The following EIF4ENIF1 variants were observed in gnomAD, a reference collection of about 807,000 sequenced individuals.
The protein encoded by EIF4ENIF1 is eukaryotic translation initiation factor 4E nuclear import factor 1.
In EIF4ENIF1, 23 loss-of-function variants were observed where a neutral mutation model predicts 110.5. The observed-to-expected ratio is 0.21, with a 90% CI of 0.15 to 0.29. The LOEUF is 0.29. Ranked by LOEUF, EIF4ENIF1 falls within the 10% of genes least tolerant of loss-of-function variation. EIF4ENIF1 has a pLI of 1.00. For missense variants in EIF4ENIF1, 1,031 were observed against 1,221.1 expected (o/e 0.84, Z 2.32); for synonymous variants, 440 against 437.0 (o/e 1.01, Z -0.09).
intron 13 of EIF4ENIF1, 21 bp downstream of exon 13, chr22:31,448,132 T>C (rs2050533208): frequency 6.2e-7 from 1 of 1,613,488 alleles, no homozygotes. Context: ...AGAGATTGAG[T>C]TTGAGAAAGC....
chr22:31,446,927 G>A (rs963244609), intron 14 of EIF4ENIF1: 1 of 452,682 alleles, frequency 2.2e-6, no homozygotes, highest in African/African-American at 2.0e-5. Flanking sequence ...TAACAGCTCT[G>A]ATCAACAAAC....
chr22:31,477,852 G>A (rs572738594), intron 2 of EIF4ENIF1, among the ~76,000 whole-genome samples: 1 of 152,168 alleles, frequency 6.6e-6, no homozygotes, highest in African/African-American at 2.4e-5. Context: ...TAGGTAAACA[G>A]TATTTACTGT....
At chr22:31,483,008 C>A (rs968986672) in intron 2 of EIF4ENIF1, among the ~76,000 whole-genome samples, 1 of 151,526 alleles carries the variant, frequency 6.6e-6, no homozygotes, top group Non-Finnish European at 1.5e-5. Context: ...TGGCGACAGA[C>A]AGAGACTCTG....
At chr22:31,471,218 C>T (rs1254281464) in intron 3 of EIF4ENIF1, among the ~76,000 whole-genome samples, 2 of 151,624 alleles carry the variant, frequency 1.3e-5, no homozygotes, top group Admixed American at 6.6e-5. Flanking sequence ...GAACCAAGAG[C>T]GCCCCTGAGC....
chr22:31,441,363 T>C lies in EIF4ENIF1; in HGVS notation c.2551+411A>G, dbSNP rs558607957. Among the ~76,000 whole-genome samples the C allele has an allele frequency of 1.3e-3, 195 of 151,316 alleles. 2 individuals carry two copies. Among genetic ancestry groups the C allele is most frequent in the South Asian group, 0.01 (49 of 4,800 alleles). ...GACCAGCCTGGGCAACACGGTGAAA[T>C]CCTGTCTCTACTAAAATACAAAATA... is the stretch of plus-strand genomic sequence containing the variant. On this transcript the variant is annotated intron_variant, in intron 17 of 18. Coordinates refer to ENST00000330125, the MANE Select transcript of EIF4ENIF1 (RefSeq NM_019843.4).
At position 31,441,865 on chromosome 22, in the gene EIF4ENIF1, A is replaced by C. The variant is rs769215984; in HGVS notation, c.2460T>G (p.Val820=). Residue 820 remains valine (V), a synonymous_variant, in exon 17 of 19, where the codon GTT becomes GTG. Transcript: ENST00000330125. ...QVPLVPHVPM[V]RPAHQLHPGL... is the part of the protein sequence containing the mutation. ...CTGGGTGAAGCTGGTGAGCAGGCCT[A>C]ACCATAGGGACATGGGGGACAAGGG... is the stretch of plus-strand genomic sequence containing the variant. 4 of 1,614,080 alleles carry C rather than the reference A, an allele frequency of 2.5e-6. No homozygotes were observed. The Admixed American group carries it at 6.7e-5, about 27-fold the overall frequency.
At chr22:31,472,344 C>T (rs1161288865) in intron 2 of EIF4ENIF1, among the ~76,000 whole-genome samples, 1 of 151,506 alleles carries the variant, frequency 6.6e-6, no homozygotes, top group Non-Finnish European at 1.5e-5. Flanking sequence ...TCTTGGCCCA[C>T]TACAACCTCC....
At chr22:31,442,808 C>T (rs1335078365) in intron 16 of EIF4ENIF1, among the ~76,000 whole-genome samples, 154 bp downstream of exon 16, 1 of 152,198 alleles carries the variant, frequency 6.6e-6, no homozygotes, top group East Asian at 1.9e-4. Flanking sequence ...CTCACTGTCA[C>T]ACAGAACCTT....
At chr22:31,437,184 CCT>C (rs1039566631), downstream of EIF4ENIF1, 5 of 152,234 alleles carry the variant, frequency 3.3e-5, no homozygotes, top group African/African-American at 1.2e-4. Flanking sequence ...ACTATTCTTT[CCT>C]CTCCTACCTG....
Position 31,458,534 on chromosome 22 carries a change from G to A in EIF4ENIF1, c.904C>T (p.Pro302Ser). 1 of 1,613,254 alleles carries A rather than the reference G, an allele frequency of 6.2e-7. No homozygotes were observed. The highest frequency in any genetic ancestry group is 1.1e-5 in the South Asian group (1 of 90,990). ...AACTCATTAAAGTCAAAGTCTCCTG[G>A]GGACTGCTCAGGCAAGACAGCATCC... Reference protein sequence around the residue: ...PRDAVLPEQSPGDFDFNEFFN... With the variant: ...PRDAVLPEQSSGDFDFNEFFN... Residue 302 changes from proline to serine, a missense_variant, in exon 7 of 19, where the codon CCA becomes TCA. Physicochemically the swap from Pro to Ser is moderately conservative, Grantham distance 74. This residue lies in a region of EIF4ENIF1 where 704 missense variants were observed against 879.7 expected (regional missense o/e 0.80). Transcript: ENST00000330125.
At chr22:31,454,525 T>C (rs1250016935) in intron 9 of EIF4ENIF1, 149 bp from the exon 10 acceptor site, 4 of 671,630 alleles carry the variant, frequency 6.0e-6, no homozygotes, top group Non-Finnish European at 1.0e-5. Context: ...AATAAACTAA[T>C]AACACTTAAA....
intron 2 of EIF4ENIF1, among the ~76,000 whole-genome samples, chr22:31,478,501 G>A (rs1236446843): frequency 2.6e-5 from 3 of 117,554 alleles, no homozygotes; most frequent in Non-Finnish European, 3.3e-5. Flanking sequence ...GGGTGACAGA[G>A]CAAGACTCTG....
At chr22:31,474,096 C>T (rs528280614) in intron 2 of EIF4ENIF1, among the ~76,000 whole-genome samples, 82 of 151,026 alleles carry the variant, frequency 5.4e-4, no homozygotes, top group African/African-American at 1.7e-3. Flanking sequence ...CTTGCTCTAT[C>T]GCCCAGGCTG....
At chr22:31,460,201 T>C (rs1043947243) in intron 6 of EIF4ENIF1, among the ~76,000 whole-genome samples, 1 of 152,228 alleles carries the variant, frequency 6.6e-6, no homozygotes, top group African/African-American at 2.4e-5. Flanking sequence ...GTACTATATT[T>C]TGAAGACTAC....
chr22:31,476,980 CA>C (rs574308270), intron 2 of EIF4ENIF1, among the ~76,000 whole-genome samples: 2,408 of 51,150 alleles, frequency 0.047, 74 homozygotes, highest in African/African-American at 0.14. Context: ...GACCCTGTCT[CA>C]AAAAAAAAAA....
At chr22:31,460,039 A>G (rs137925726) in intron 6 of EIF4ENIF1, among the ~76,000 whole-genome samples, 1 of 152,220 alleles carries the variant, frequency 6.6e-6, no homozygotes, top group African/African-American at 2.4e-5. Context: ...CTTTATCGTT[A>G]AAGTGGTGCT....
At chr22:31,470,684 ACTTT>A (rs1335788591) in intron 3 of EIF4ENIF1, among the ~76,000 whole-genome samples, 1 of 138,182 alleles carries the variant, frequency 7.2e-6, no homozygotes, top group Non-Finnish European at 1.5e-5. Context: ...GTTAAATAGG[ACTTT>A]TTTTTTTTTT....
chr22:31,479,366 A>T (rs1426470495), intron 2 of EIF4ENIF1: 2 of 151,860 alleles, frequency 1.3e-5, no homozygotes, highest in Non-Finnish European at 2.9e-5. Flanking sequence ...TGGACAAGAG[A>T]AGAGTCTTTT....
chr22:31,478,982 ACAACTGT>A (rs2051705010), intron 2 of EIF4ENIF1, among the ~76,000 whole-genome samples: 1 of 149,254 alleles, frequency 6.7e-6, no homozygotes, highest in Non-Finnish European at 1.5e-5. Context: ...TGCTCTCTTT[ACAACTGT>A]CCACATAATA....
Sources: allele counts gnomAD v4.1 joint callset (sites outside exome capture counted in the v4.1 genomes callset), GRCh38; gene constraint gnomAD v4.1.1; regional missense constraint gnomAD v4.1.1; transcripts MANE v1.5; gene names NCBI Gene and HGNC (gene_info 2026-07-23, HGNC 2026-07-21).